FGF1: variants seen among roughly 807,000 people sequenced by gnomAD.
FGF1 encodes the protein beta-endothelial cell growth factor.
FGF1 carries 9 observed loss-of-function variants against 13.4 expected under a neutral mutation model. That is an observed-to-expected ratio of 0.67 (90% confidence interval 0.40 to 1.17). FGF1 has a LOEUF of 1.17. Among genes scored for constraint, FGF1 ranks in the 50% most tolerant of loss-of-function variants. The pLI is 0.01. For synonymous variants in FGF1, 93 were observed against 79.0 expected, an observed-to-expected ratio of 1.18 and a Z score of -0.94; for missense variants, 156 against 192.7, an observed-to-expected ratio of 0.81 and a Z score of 1.13.
chr5:142,621,936 T>C (rs1366654341), intron 1 of FGF1, among the ~76,000 whole-genome samples: 1 of 152,240 alleles, frequency 6.6e-6, no homozygotes, highest in Non-Finnish European at 1.5e-5. Context: ...CATGAAAGCC[T>C]TTCCTGTCTT....
chr5:142,672,500 GTTTTTT>G (rs34954693), intron 1 of FGF1, among the ~76,000 whole-genome samples: 2 of 123,364 alleles, frequency 1.6e-5, no homozygotes, highest in Admixed American at 8.6e-5. Flanking sequence ...TTTCTGTACA[GTTTTTT>G]TTTTTTTTTT....
intron 1 of FGF1, among the ~76,000 whole-genome samples, chr5:142,678,936 GTGGCCTGGAACTTCACTCCCTAA>G (rs1773168644): frequency 6.6e-6 from 1 of 152,172 alleles, no homozygotes; most frequent in African/African-American, 2.4e-5. Flanking sequence ...ACTTTGAGGA[GTGGCCTGGAACTTCACTCCCTAA>G]TGGCCAGGCA....
chr5:142,609,026 G>A (rs961557440), intron 2 of FGF1, among the ~76,000 whole-genome samples: 3 of 151,896 alleles, frequency 2.0e-5, no homozygotes, highest in Admixed American at 6.6e-5. Context: ...TTTTGACTTC[G>A]GGTCTATGTT....
chr5:142,691,480 T>TA (rs1327305429), intron 2 of FGF1, among the ~76,000 whole-genome samples: 12 of 137,296 alleles, frequency 8.7e-5, no homozygotes, highest in Non-Finnish European at 1.1e-4. Flanking sequence ...TAAAATAAAA[T>TA]AAATAAAATA....
chr5:142,619,666 T>G (rs1324537800), intron 1 of FGF1, among the ~76,000 whole-genome samples: 1 of 152,074 alleles, frequency 6.6e-6, no homozygotes, highest in African/African-American at 2.4e-5. Context: ...AAACCCCGTC[T>G]CTACTAAAAA....
At position 142,676,602 on chromosome 5, in the gene FGF1, C is replaced by T. The variant is rs1772660222; in HGVS notation, c.-35+9355G>A. On this transcript the variant is annotated intron_variant, in intron 1 of 3. Coordinates refer to ENST00000337706, the MANE Select transcript of FGF1 (RefSeq NM_000800.5). ...GTTCATGCTTTGACCAACATGCTAC[C>T]CTACCAGAGTGCCACAGGCTGTGGC... Among the ~76,000 whole-genome samples the T allele has an allele frequency of 2.6e-5, 4 of 152,186 alleles. No homozygotes were observed. The South Asian group carries it at 8.3e-4, about 31-fold the overall frequency.
rs181558559 is a variant in FGF1, at chr5:142,656,850, G to T, written c.-35+29107C>A. 4.3e-3 allele frequency among the ~76,000 whole-genome samples: 654 copies of T among 152,272 alleles called. 1 individual carries two copies. The highest frequency in any genetic ancestry group is 6.0e-3 in the Non-Finnish European group (408 of 68,022). On this transcript the variant is annotated intron_variant, in intron 1 of 3. Transcript: ENST00000337706. ...AACTGAAAAAATGATTACCCCTGGG[G>T]AGTGGGATGGGGTGGCTGAGGAGGA...
chr5:142,602,364 A>G (rs990854719), intron 2 of FGF1, among the ~76,000 whole-genome samples: 4 of 151,938 alleles, frequency 2.6e-5, no homozygotes, highest in African/African-American at 9.7e-5. Flanking sequence ...TTTAGTAGAG[A>G]TGGGGTTTCA....
At chr5:142,697,122 C>T (rs906506888) in intron 2 of FGF1, among the ~76,000 whole-genome samples, 2 of 152,134 alleles carry the variant, frequency 1.3e-5, no homozygotes, top group African/African-American at 4.8e-5. Context: ...GTATGTTTTG[C>T]AGGGCTCTAA....
At chr5:142,595,625 T>C in intron 3 of FGF1, 141 bp from the exon 4 acceptor site, 1 of 674,464 alleles carries the variant, frequency 1.5e-6, no homozygotes, top group Non-Finnish European at 2.5e-6. Context: ...ATTGGGGTCA[T>C]GGTGGAACTT....
chr5:142,654,390 G>A (rs549809776), intron 1 of FGF1, among the ~76,000 whole-genome samples: 1 of 152,158 alleles, frequency 6.6e-6, no homozygotes, highest in Non-Finnish European at 1.5e-5. Context: ...TAGAGAGAAC[G>A]TTAGCTTTAA....
intron 1 of FGF1, among the ~76,000 whole-genome samples, chr5:142,674,199 T>C (rs140271791): frequency 6.6e-6 from 1 of 152,210 alleles, no homozygotes; most frequent in South Asian, 2.1e-4. Flanking sequence ...GGAGAAGACA[T>C]CTTATCACAA....
chr5:142,693,348 T>A (rs1328668058), intron 2 of FGF1, among the ~76,000 whole-genome samples: 1 of 152,172 alleles, frequency 6.6e-6, no homozygotes, highest in Non-Finnish European at 1.5e-5. Context: ...TGGAGTGCAG[T>A]GGAGTGATCT....
chr5:142,626,661 T>A (rs1050443878), intron 1 of FGF1: 7 of 152,262 alleles, frequency 4.6e-5, no homozygotes, highest in African/African-American at 1.7e-4. Context: ...CCTCCCCTGA[T>A]GGCCTGTCCT....
chr5:142,662,645 C>CATTG (rs1042016728), intron 1 of FGF1, among the ~76,000 whole-genome samples: 2 of 152,116 alleles, frequency 1.3e-5, no homozygotes, highest in African/African-American at 4.8e-5. Flanking sequence ...GTCATTCATT[C>CATTG]ATTCATTCAG....
At chr5:142,667,910 C>G (rs924433396) in intron 1 of FGF1, among the ~76,000 whole-genome samples, 1 of 152,238 alleles carries the variant, frequency 6.6e-6, no homozygotes, top group Admixed American at 6.5e-5. Context: ...TCCTGACTGT[C>G]CCCTCTGGCC....
chr5:142,667,851 C>T (rs1561715271), intron 1 of FGF1, among the ~76,000 whole-genome samples: 1 of 152,184 alleles, frequency 6.6e-6, no homozygotes, highest in South Asian at 2.1e-4. Flanking sequence ...ATGGAGGAAG[C>T]GCCCTGGCTA....
intron 3 of FGF1, among the ~76,000 whole-genome samples, chr5:142,596,967 T>C (rs762416256): frequency 6.6e-6 from 1 of 152,194 alleles, no homozygotes; most frequent in Non-Finnish European, 1.5e-5. Context: ...TTTTATTTGA[T>C]GTTTTAAAAA....
chr5:142,642,875 G>GT (rs1301435676), intron 1 of FGF1, among the ~76,000 whole-genome samples: 11 of 151,972 alleles, frequency 7.2e-5, no homozygotes, highest in African/African-American at 1.9e-4. Flanking sequence ...CTGCTCTTCT[G>GT]TTTTTTTTGT....
Sources: gnomAD v4.1 joint callset for allele counts (sites outside exome capture counted in the v4.1 genomes callset) on GRCh38, gnomAD v4.1.1 for gene constraint, MANE v1.5 for transcripts, NCBI Gene and HGNC (gene_info 2026-07-23, HGNC 2026-07-21) for gene names.